Variants in TMC1 observed in about 807,000 individuals in gnomAD.
TMC1 encodes the protein transmembrane channel-like protein 1.
Under a neutral mutation model 105.8 loss-of-function variants are expected in TMC1, and 84 were observed. The observed-to-expected ratio is 0.79, with a 90% confidence interval of 0.67 to 0.95. TMC1 has a LOEUF of 0.95. Ranked by LOEUF, TMC1 falls within the 40% of genes least tolerant of loss-of-function variation. TMC1 has a pLI of 0.00. For missense variants in TMC1, 817 were observed against 914.1 expected (o/e 0.89, Z 1.37); for synonymous variants, 315 against 311.5 (o/e 1.01, Z -0.12).
chr9:72,539,882 C>T (rs919778318), intron 1 of TMC1, among the ~76,000 whole-genome samples: 3 of 152,314 alleles, frequency 2.0e-5, no homozygotes, highest in African/African-American at 7.2e-5. Flanking sequence ...GCTCACAGTT[C>T]TGCAAGCCTG....
intron 5 of TMC1, among the ~76,000 whole-genome samples, chr9:72,680,415 T>G (rs927908723): frequency 1.3e-5 from 2 of 152,104 alleles, no homozygotes; most frequent in Non-Finnish European, 2.9e-5. Context: ...CTGTGTTAAC[T>G]CATATTCCCG....
At chr9:72,777,163 T>C (rs1828020474) in intron 13 of TMC1, among the ~76,000 whole-genome samples, 1 of 152,184 alleles carries the variant, frequency 6.6e-6, no homozygotes, top group African/African-American at 2.4e-5. Flanking sequence ...CTTTGTCCAT[T>C]TTCTTTTCAC....
At chr9:72,725,437 A>G (rs1175368183) in intron 8 of TMC1, among the ~76,000 whole-genome samples, 1 of 149,216 alleles carries the variant, frequency 6.7e-6, no homozygotes, top group Non-Finnish European at 1.5e-5. Context: ...CATGATCACA[A>G]GGTTCCACAA....
At chr9:72,832,027 C>G (rs1319049098) in intron 23 of TMC1, among the ~76,000 whole-genome samples, 1 of 151,670 alleles carries the variant, frequency 6.6e-6, no homozygotes, top group Non-Finnish European at 1.5e-5. Context: ...ATGATCTCGG[C>G]TCACTGCAGC....
intron 3 of TMC1, among the ~76,000 whole-genome samples, chr9:72,623,059 AAAAC>A: frequency 6.6e-6 from 1 of 151,178 alleles, no homozygotes; most frequent in East Asian, 1.9e-4. Context: ...CTCAAAAAAA[AAAAC>A]AAACAAAAGA....
At chr9:72,585,916 C>A (rs572344815) in intron 2 of TMC1, among the ~76,000 whole-genome samples, 2 of 152,090 alleles carry the variant, frequency 1.3e-5, no homozygotes, top group African/African-American at 4.8e-5. Flanking sequence ...AGACTTCCTC[C>A]GACCGTGTTG....
intron 8 of TMC1, among the ~76,000 whole-genome samples, chr9:72,721,328 C>A (rs1170546801): frequency 2.0e-5 from 3 of 152,190 alleles, no homozygotes; most frequent in Non-Finnish European, 4.4e-5. Context: ...ACAGACTTGA[C>A]TCTTTCCCAC....
intron 4 of TMC1, among the ~76,000 whole-genome samples, chr9:72,644,404 G>A (rs1307068036): frequency 6.6e-6 from 1 of 151,902 alleles, no homozygotes; most frequent in Non-Finnish European, 1.5e-5. Context: ...TTACATTTGG[G>A]TCTATGGTCC....
chr9:72,691,033 C>G (rs767076563), intron 6 of TMC1, among the ~76,000 whole-genome samples: 8 of 151,990 alleles, frequency 5.3e-5, no homozygotes, highest in Non-Finnish European at 1.0e-4. Context: ...GCTCTTCTAA[C>G]TATAATTTCA....
At chr9:72,597,147 T>C (rs915962127) in intron 2 of TMC1, among the ~76,000 whole-genome samples, 1 of 152,252 alleles carries the variant, frequency 6.6e-6, no homozygotes, top group Admixed American at 6.5e-5. Flanking sequence ...AAGAAAAGTT[T>C]TTTTGTAAAA....
intron 13 of TMC1, among the ~76,000 whole-genome samples, chr9:72,778,171 C>A (rs954284901): frequency 6.6e-6 from 1 of 152,172 alleles, no homozygotes; most frequent in Non-Finnish European, 1.5e-5. Context: ...GCTTCTTCAT[C>A]CTCAAGAATT....
At chr9:72,745,839 C>G (rs1415598364) in intron 10 of TMC1, among the ~76,000 whole-genome samples, 4 of 152,118 alleles carry the variant, frequency 2.6e-5, no homozygotes, top group African/African-American at 9.7e-5. Flanking sequence ...GTTGAAATCT[C>G]TGGTTCTGTT....
intron 1 of TMC1, among the ~76,000 whole-genome samples, chr9:72,535,960 C>T (rs1475300763): frequency 1.3e-5 from 2 of 152,172 alleles, no homozygotes; most frequent in Non-Finnish European, 2.9e-5. Flanking sequence ...TCTCATTAGG[C>T]CCCACCTCCA....
At chr9:72,668,178 T>G (rs942683078) in intron 5 of TMC1, among the ~76,000 whole-genome samples, 1 of 152,270 alleles carries the variant, frequency 6.6e-6, no homozygotes, top group Non-Finnish European at 1.5e-5. Flanking sequence ...ATAATATTTT[T>G]ACTTATGGGT....
intron 1 of TMC1, among the ~76,000 whole-genome samples, chr9:72,554,163 T>C (rs762958185): frequency 1.3e-5 from 2 of 152,318 alleles, no homozygotes; most frequent in African/African-American, 2.4e-5. Flanking sequence ...ATTTATTCTA[T>C]TGGGTGTTGT....
intron 5 of TMC1, among the ~76,000 whole-genome samples, chr9:72,683,720 T>A (rs1208055697): frequency 1.9e-5 from 2 of 107,334 alleles, no homozygotes; most frequent in African/African-American, 3.2e-5. Flanking sequence ...TGAGTTAACC[T>A]GAGTTACACA....
chr9:72,532,725 G>A (rs144163098), intron 1 of TMC1, among the ~76,000 whole-genome samples: 1 of 152,246 alleles, frequency 6.6e-6, no homozygotes, highest in Non-Finnish European at 1.5e-5. Flanking sequence ...AGACTATGAT[G>A]AGGCTTCAAA....
chr9:72,554,415 G>A (rs1013542605), intron 1 of TMC1, among the ~76,000 whole-genome samples: 2 of 152,134 alleles, frequency 1.3e-5, no homozygotes, highest in African/African-American at 4.8e-5. Flanking sequence ...TTACATATTT[G>A]CATACTTTTA....
intron 1 of TMC1, among the ~76,000 whole-genome samples, chr9:72,572,059 C>T (rs1057463687): frequency 1.4e-4 from 21 of 152,228 alleles, no homozygotes; most frequent in Non-Finnish European, 3.1e-4. Context: ...TGGTCTCGAA[C>T]TCCCAACCTC....
Sources: allele counts gnomAD v4.1 joint callset (sites outside exome capture counted in the v4.1 genomes callset), GRCh38; gene constraint gnomAD v4.1.1; transcripts MANE v1.5; gene names NCBI Gene and HGNC (gene_info 2026-07-23, HGNC 2026-07-21).